RMND5A: variants seen among roughly 807,000 people sequenced by gnomAD.
RMND5A encodes the protein required for meiotic nuclear division 5 homolog A.
A neutral mutation model predicts 49.7 loss-of-function variants in RMND5A; 17 were observed. That is an observed-to-expected ratio of 0.34 (90% CI 0.23 to 0.51). The LOEUF is 0.51. Among genes scored for constraint, RMND5A ranks in the 20% least tolerant of loss-of-function variants. RMND5A has a pLI of 0.96. For missense variants in RMND5A, 255 were observed against 471.3 expected, an observed-to-expected ratio of 0.54 and a Z score of 4.25; for synonymous variants, 156 against 167.7, an observed-to-expected ratio of 0.93 and a Z score of 0.54.
At chr2:86,772,651 G>T (rs936179038) in intron 8 of RMND5A, among the ~76,000 whole-genome samples, 1 of 151,174 alleles carries the variant, frequency 6.6e-6, no homozygotes, top group Admixed American at 6.6e-5. Flanking sequence ...CTGGAGTGCA[G>T]TGGTGCTGTC....
chr2:86,761,652 A>ACC (rs1487070456), intron 4 of RMND5A, among the ~76,000 whole-genome samples: 2 of 152,228 alleles, frequency 1.3e-5, no homozygotes, highest in African/African-American at 4.8e-5. Context: ...AAATGAGGAC[A>ACC]GTATTGTTTC....
chr2:86,764,580 TA>T (rs1672559157), intron 4 of RMND5A, among the ~76,000 whole-genome samples: 1 of 152,266 alleles, frequency 6.6e-6, no homozygotes, highest in Non-Finnish European at 1.5e-5. Context: ...TTACTGTTTT[TA>T]ATCACAAAGT....
chr2:86,743,176 A>G (rs1045955036), intron 2 of RMND5A, among the ~76,000 whole-genome samples: 1 of 152,180 alleles, frequency 6.6e-6, no homozygotes, highest in Non-Finnish European at 1.5e-5. Context: ...TATTTTGACT[A>G]ATCTTTAAGG....
intron 4 of RMND5A, among the ~76,000 whole-genome samples, chr2:86,757,900 T>A (rs1313715222): frequency 6.6e-6 from 1 of 152,194 alleles, no homozygotes; most frequent in Non-Finnish European, 1.5e-5. Flanking sequence ...GGTAGGCAGG[T>A]CCATGTGGAA....
intron 4 of RMND5A, among the ~76,000 whole-genome samples, chr2:86,756,520 C>A (rs770598796): frequency 2.0e-5 from 3 of 152,104 alleles, no homozygotes; most frequent in Non-Finnish European, 4.4e-5. Flanking sequence ...CATTTAAAAC[C>A]CATAAAATTG....
chr2:86,725,078 T>C (rs1190961123), intron 1 of RMND5A, among the ~76,000 whole-genome samples: 1 of 50,162 alleles, frequency 2.0e-5, no homozygotes, highest in African/African-American at 8.3e-5. Context: ...AAAATTGCAG[T>C]TTTTGTAAGA....
Position 86,761,655 on chromosome 2 carries a change from A to G in RMND5A, c.522-3372A>G, listed in dbSNP as rs188518884. Among the ~76,000 whole-genome samples the G allele has an allele frequency of 2.6e-5, 4 of 152,328 alleles. No homozygotes were observed. The East Asian group carries it at 7.7e-4, about 29-fold the overall frequency. On this transcript the variant is annotated intron_variant, in intron 4 of 8. Coordinates refer to ENST00000283632, the MANE Select transcript of RMND5A (RefSeq NM_022780.4). ...TATTAAGAAGTTAAATGAGGACAGT[A>G]TTGTTTCAGAATAGGATGCAAAGAA...
chr2:86,772,812 C>T (rs1672705645), intron 8 of RMND5A, among the ~76,000 whole-genome samples: 4 of 152,074 alleles, frequency 2.6e-5, no homozygotes, highest in Admixed American at 2.6e-4. Flanking sequence ...TCAGGCTGTT[C>T]TCAAACTCCT....
At chr2:86,759,915 G>T (rs754325096) in intron 4 of RMND5A, among the ~76,000 whole-genome samples, 1 of 152,016 alleles carries the variant, frequency 6.6e-6, no homozygotes, top group Non-Finnish European at 1.5e-5. Context: ...TATGAGAATG[G>T]GCCACAGACA....
At chr2:86,762,228 T>A (rs1445629558) in intron 4 of RMND5A, among the ~76,000 whole-genome samples, 1 of 152,252 alleles carries the variant, frequency 6.6e-6, no homozygotes, top group Non-Finnish European at 1.5e-5. Flanking sequence ...GGTGCTGATC[T>A]AAGAGTTGGT....
At chr2:86,753,083 A>C (rs909919289) in intron 3 of RMND5A, among the ~76,000 whole-genome samples, 1 of 152,168 alleles carries the variant, frequency 6.6e-6, no homozygotes, top group Non-Finnish European at 1.5e-5. Context: ...ACTCTTAGGG[A>C]CTTAGCACCT....
chr2:86,748,043 T>C (rs1386409670), intron 2 of RMND5A, among the ~76,000 whole-genome samples: 1 of 152,156 alleles, frequency 6.6e-6, no homozygotes, highest in Non-Finnish European at 1.5e-5. Context: ...TTAAAAAATA[T>C]GAAAAGAAAA....
intron 7 of RMND5A, 47 bp downstream of exon 7, chr2:86,770,172 G>T (rs1347720376): frequency 8.1e-7 from 1 of 1,230,016 alleles, no homozygotes. Context: ...GCCATTAGAA[G>T]AATATGGCAT....
At chr2:86,747,362 T>C (rs533381822) in intron 2 of RMND5A, among the ~76,000 whole-genome samples, 36 of 152,338 alleles carry the variant, frequency 2.4e-4, no homozygotes, top group African/African-American at 8.2e-4. Flanking sequence ...ATCTTTCTTA[T>C]TGAGAGGTGT....
At chr2:86,770,970 C>A (rs910871552) in intron 7 of RMND5A, among the ~76,000 whole-genome samples, 4 of 152,104 alleles carry the variant, frequency 2.6e-5, no homozygotes, top group Middle Eastern at 3.2e-3. Flanking sequence ...CGTTTTATAC[C>A]ACACCTGTAC....
chr2:86,763,761 G>A (rs1410076516), intron 4 of RMND5A, among the ~76,000 whole-genome samples: 1 of 151,600 alleles, frequency 6.6e-6, no homozygotes, highest in Non-Finnish European at 1.5e-5. Context: ...GGGTGGCAGA[G>A]TGAGACCCCG....
At position 86,765,036 on chromosome 2, in the gene RMND5A, G is replaced by A; in HGVS notation, c.531G>A (p.Val177=). ...TTTGCCTTTTCTTTAGGTGGGCAGT[G>A]TCAAACCGGGAAATGCTTATAGCTC... The part of the protein sequence containing the change: ...RVLRPALEWA[V]SNREMLIAQN... The change falls in exon 5 of 9, where the codon GTG becomes GTA. Residue 177 remains valine (V), a synonymous_variant. Transcript: ENST00000283632. 1.2e-6 allele frequency: 2 copies of A among 1,604,920 alleles called. No individual in the cohort carries two copies. The highest frequency in any genetic ancestry group is 1.7e-6 in the Non-Finnish European group (2 of 1,176,914).
chr2:86,770,772 G>A (rs1672673184), intron 7 of RMND5A, among the ~76,000 whole-genome samples: 1 of 152,158 alleles, frequency 6.6e-6, no homozygotes, highest in African/African-American at 2.4e-5. Flanking sequence ...AGAATAAGAC[G>A]GGATACATGG....
intron 4 of RMND5A, among the ~76,000 whole-genome samples, chr2:86,757,571 C>A (rs558704958): frequency 1.3e-5 from 2 of 152,042 alleles, no homozygotes; most frequent in African/African-American, 4.8e-5. Context: ...CTTAATACAA[C>A]GAGGTGGGGG....
Sources: gnomAD v4.1 joint callset for allele counts (sites outside exome capture counted in the v4.1 genomes callset) on GRCh38, gnomAD v4.1.1 for gene constraint, MANE v1.5 for transcripts, NCBI Gene and HGNC (gene_info 2026-07-23, HGNC 2026-07-21) for gene names.